FEZ2: variants seen among roughly 807,000 people sequenced by gnomAD.
FEZ2 encodes fasciculation and elongation protein zeta-2.
FEZ2 carries 51 observed loss-of-function variants against 40.4 expected under a neutral mutation model. The ratio of observed to expected loss-of-function variants is 1.26; its 90% CI spans 1.01 to 1.59. FEZ2 has a LOEUF of 1.59. Among genes scored for constraint, FEZ2 ranks in the 40% most tolerant of loss-of-function variants. FEZ2 has a pLI of 0.00. For synonymous variants in FEZ2, 242 were observed against 172.0 expected (o/e 1.41, Z -3.18); for missense variants, 640 against 438.3 (o/e 1.46, Z -4.11).
intron 5 of FEZ2, among the ~76,000 whole-genome samples, chr2:36,573,336 T>G (rs1475035168): frequency 6.6e-6 from 1 of 152,204 alleles, no homozygotes; most frequent in Non-Finnish European, 1.5e-5. Flanking sequence ...CAGATAACAC[T>G]AGATGAACAG....
At chr2:36,587,366 T>C (rs115556674) in intron 2 of FEZ2, among the ~76,000 whole-genome samples, 140 of 152,316 alleles carry the variant, frequency 9.2e-4, no homozygotes, top group African/African-American at 3.3e-3. Context: ...CCTTCAGCAT[T>C]AAATGTGCCT....
At position 36,558,451 on chromosome 2, in the gene FEZ2, T is replaced by G; in HGVS notation, c.966A>C (p.Gln322His). The change falls in exon 6 of 8, where the codon CAA becomes CAC. Residue 322 changes from glutamine (Q) to histidine (H), a missense_variant. Physicochemically the swap from Gln to His is conservative, Grantham distance 24. Transcript: ENST00000405912. ...KNGPPSVEDL[Q>H]ILTKILRAMK... ...GTCTTTGCTCACTTTTTGTTAATAT[T>G]TGAAGATCTTCAACAGACGGTGGTC... is the stretch of plus-strand genomic sequence containing the variant. 1 of 1,527,186 alleles carries G rather than the reference T, an allele frequency of 6.5e-7. No individual in the cohort carries two copies. The highest frequency in any genetic ancestry group is 2.5e-5 in the East Asian group (1 of 40,490). 94.6% of individuals were successfully genotyped at this position (1,527,186 alleles called of 1,614,324 possible). A position where few individuals can be genotyped will look rare whatever the true frequency, so the allele number is the denominator to read the frequency against.
At chr2:36,567,631 G>C (rs867520196) in intron 5 of FEZ2, among the ~76,000 whole-genome samples, 1 of 151,990 alleles carries the variant, frequency 6.6e-6, no homozygotes, top group Non-Finnish European at 1.5e-5. Flanking sequence ...ACGTGGTGGC[G>C]GGTGCCTGTA....
intron 7 of FEZ2, among the ~76,000 whole-genome samples, chr2:36,554,760 G>A (rs1186714691): frequency 6.6e-6 from 1 of 152,134 alleles, no homozygotes; most frequent in East Asian, 1.9e-4. Flanking sequence ...TACTACTGAG[G>A]TTCCCCTTTC....
At position 36,598,019 on chromosome 2, in the gene FEZ2, C is replaced by A. The variant is rs780000099; in HGVS notation, c.124G>T (p.Gly42Trp). ...GGGGCCGGGAAACCGTCGGCGCCCCCACCCGCCTCGGCCCCCGCCTCCGCC... is the reference window on the plus strand; with the variant it reads ...GGGGCCGGGAAACCGTCGGCGCCCCAACCCGCCTCGGCCCCCGCCTCCGCC... ...PGAEAGAEAG[G>W]GADGFPAPAC... The change falls in exon 1 of 8, where the codon GGG becomes TGG. Residue 42 changes from glycine (G) to tryptophan (W), a missense_variant. Physicochemically the swap from Gly to Trp is radical, Grantham distance 184. Transcript: ENST00000405912. 2.7e-6 allele frequency: 4 copies of A among 1,491,754 alleles called. No individual in the cohort carries two copies. The highest frequency in any genetic ancestry group is 1.2e-5 in the South Asian group (1 of 80,614). The allele number at this position is 1,491,754 out of a possible 1,614,324, so 92.4% of individuals were successfully genotyped here.
At chr2:36,557,555 G>A (rs972248102) in intron 6 of FEZ2, 1 of 151,908 alleles carries the variant, frequency 6.6e-6, no homozygotes, top group African/African-American at 2.4e-5. Context: ...CCCCTAATTA[G>A]CAAGTATCAT....
chr2:36,552,267 C>A lies in FEZ2; in HGVS notation c.*896G>T. The A allele has an allele frequency of 2.2e-6, 1 of 449,516 alleles. No individual in the cohort carries two copies. Among genetic ancestry groups the A allele is most frequent in the African/African-American group, 2.0e-5 (1 of 48,796 alleles). 27.8% of individuals were successfully genotyped at this position (449,516 alleles called of 1,614,324 possible). A position where few individuals can be genotyped will look rare whatever the true frequency, so the allele number is the denominator to read the frequency against. Reference sequence around the variant, plus strand: ...GGCTCTCAAACATGTATTTTTACTTCTTAAAAAATTTATTAAATGCCATTG... The same window carrying A: ...GGCTCTCAAACATGTATTTTTACTTATTAAAAAATTTATTAAATGCCATTG... On this transcript the variant is annotated 3_prime_UTR_variant, in exon 8 of 8. Coordinates refer to ENST00000405912, the MANE Select transcript of FEZ2 (RefSeq NM_005102.3).
rs564247133 is a variant in FEZ2, at chr2:36,585,832, C to G, written c.376-2363G>C. Among the ~76,000 whole-genome samples, 9 of 152,178 alleles carry G rather than the reference C, an allele frequency of 5.9e-5. No homozygotes were observed. In the East Asian group the frequency reaches 1.7e-3, roughly 29 times the overall value. The stretch of plus-strand genomic sequence containing the variant: ...TATAGTGTCAGGGATTGGCAAAGGA[C>G]AGAAGAGAGCTAAACCTTCACCCTC... On this transcript the variant is annotated intron_variant, in intron 2 of 7. Transcript: ENST00000405912.
intron 5 of FEZ2, among the ~76,000 whole-genome samples, chr2:36,566,075 G>C (rs1668229320): frequency 6.6e-6 from 1 of 152,122 alleles, no homozygotes; most frequent in Admixed American, 6.5e-5. Flanking sequence ...CCCATGCCAG[G>C]GACACAACTG....
chr2:36,582,325 C>T (rs1668773724), intron 3 of FEZ2, among the ~76,000 whole-genome samples: 1 of 151,906 alleles, frequency 6.6e-6, no homozygotes, highest in Admixed American at 6.6e-5. Flanking sequence ...AAGATTTCCA[C>T]CAAGGAAAAA....
intron 3 of FEZ2, chr2:36,581,673 A>G (rs1457706952): frequency 7.2e-6 from 3 of 418,390 alleles, no homozygotes; most frequent in Non-Finnish European, 1.4e-5. Flanking sequence ...TACTACGTCC[A>G]TCATGATTCA....
chr2:36,574,842 G>A (rs1392558109), intron 5 of FEZ2, among the ~76,000 whole-genome samples: 2 of 152,040 alleles, frequency 1.3e-5, no homozygotes, highest in East Asian at 3.9e-4. Flanking sequence ...TCCTCCAGAT[G>A]CTGCAAAAAA....
chr2:36,581,658 G>T, intron 3 of FEZ2: 1 of 455,352 alleles, frequency 2.2e-6, no homozygotes, highest in Non-Finnish European at 4.1e-6. Context: ...AAATAGAATT[G>T]GATTTACTAC....
chr2:36,597,147 C>T (rs1487345198), intron 1 of FEZ2, among the ~76,000 whole-genome samples: 1 of 152,170 alleles, frequency 6.6e-6, no homozygotes, highest in South Asian at 2.1e-4. Flanking sequence ...TCTACCAGGG[C>T]TCCCGGGTGG....
rs141118307 is a variant in FEZ2 at position 36,597,335 on chromosome 2, C to T, written c.266+542G>A. ...CGTTCCTTACTCTCCCCAAGACACA[C>T]GCTTTTAAGTCTCTCACATTTGGTA... On this transcript the variant is annotated intron_variant, in intron 1 of 7. Transcript: ENST00000405912. Among the ~76,000 whole-genome samples, 776 of 152,314 alleles carry T rather than the reference C, an allele frequency of 5.1e-3. 16 individuals are homozygous for T. The highest frequency in any genetic ancestry group is 0.018 in the African/African-American group (739 of 41,558).
chr2:36,596,138 G>A (rs186443067), intron 1 of FEZ2, among the ~76,000 whole-genome samples: 37 of 152,292 alleles, frequency 2.4e-4, no homozygotes, highest in Non-Finnish European at 4.6e-4. Flanking sequence ...ATGCATGTGT[G>A]TATAAAATCC....
chr2:36,580,676 T>C (rs2125235529), intron 4 of FEZ2, among the ~76,000 whole-genome samples: 1 of 152,360 alleles, frequency 6.6e-6, no homozygotes, highest in East Asian at 1.9e-4. Context: ...GAATATCTAT[T>C]CTACACTTCA....
intron 2 of FEZ2, 188 bp downstream of exon 2, chr2:36,590,715 G>T: frequency 1.9e-6 from 1 of 526,624 alleles, no homozygotes. Context: ...TGCTGGAGAA[G>T]AACTGGAGGA....
At chr2:36,579,551 C>T (rs1335114263) in intron 4 of FEZ2, among the ~76,000 whole-genome samples, 3 of 151,984 alleles carry the variant, frequency 2.0e-5, no homozygotes, top group South Asian at 2.1e-4. Context: ...GTGGCACTCC[C>T]CCCAGCCCCC....
Sources: gnomAD v4.1 joint callset for allele counts (sites outside exome capture counted in the v4.1 genomes callset) on GRCh38, gnomAD v4.1.1 for gene constraint, MANE v1.5 for transcripts, NCBI Gene and HGNC (gene_info 2026-07-23, HGNC 2026-07-21) for gene names.